The following ANKS1B variants were observed in gnomAD, a reference collection of about 807,000 sequenced individuals.
The protein encoded by ANKS1B is ankyrin repeat and sterile alpha motif domain containing 1B.
Under a neutral mutation model 148.3 loss-of-function variants are expected in ANKS1B, and 36 were observed. The ratio of observed to expected loss-of-function variants is 0.24; its 90% CI spans 0.19 to 0.32. The LOEUF is 0.32. ANKS1B is among the 10% of genes least tolerant of loss of function. The pLI is 1.00. For missense variants in ANKS1B, 1,157 were observed against 1,542.6 expected, an observed-to-expected ratio of 0.75 and a Z score of 4.19; for synonymous variants, 542 against 560.8, an observed-to-expected ratio of 0.97 and a Z score of 0.47.
chr12:98,785,502 C>A (rs2098784063), intron 22 of ANKS1B, among the ~76,000 whole-genome samples: 1 of 152,002 alleles, frequency 6.6e-6, no homozygotes, highest in African/African-American at 2.4e-5. Context: ...AAAAAAAAGG[C>A]AAAGATCAAA....
chr12:99,798,434 A>AAC (rs1555618351), intron 4 of ANKS1B, among the ~76,000 whole-genome samples: 14 of 40,626 alleles, frequency 3.4e-4, no homozygotes, highest in Admixed American at 1.3e-3. Context: ...AAAAAAAAAA[A>AAC]AAAAAAAAAC....
chr12:99,126,868 T>C (rs1308516039), intron 15 of ANKS1B, among the ~76,000 whole-genome samples: 1 of 152,122 alleles, frequency 6.6e-6, no homozygotes, highest in Non-Finnish European at 1.5e-5. Context: ...CCAAGCAAAA[T>C]GTTAACAGGG....
intron 17 of ANKS1B, among the ~76,000 whole-genome samples, chr12:98,876,978 A>G (rs911144681): frequency 3.3e-5 from 5 of 152,248 alleles, no homozygotes; most frequent in African/African-American, 1.2e-4. Flanking sequence ...ATTGTATAAT[A>G]AAGAAAAGCA....
intron 9 of ANKS1B, among the ~76,000 whole-genome samples, chr12:99,579,902 A>G (rs1340642085): frequency 6.6e-6 from 1 of 152,206 alleles, no homozygotes; most frequent in Non-Finnish European, 1.5e-5. Context: ...GTACACTCAT[A>G]TGTTCATTGC....
intron 9 of ANKS1B, among the ~76,000 whole-genome samples, chr12:99,535,349 C>T (rs1411397908): frequency 2.0e-5 from 3 of 152,190 alleles, no homozygotes; most frequent in Non-Finnish European, 4.4e-5. Flanking sequence ...TGTTGTCCCA[C>T]GTCCATGTTA....
intron 16 of ANKS1B, among the ~76,000 whole-genome samples, chr12:99,083,360 T>C (rs2050508986): frequency 6.6e-6 from 1 of 152,158 alleles, no homozygotes; most frequent in Non-Finnish European, 1.5e-5. Context: ...CCCCACAGTC[T>C]TTTTGCAAAC....
chr12:99,317,801 T>C lies in ANKS1B; in HGVS notation c.1757-70937A>G, dbSNP rs191804787. 2.8e-3 allele frequency among the ~76,000 whole-genome samples: 425 copies of C among 152,112 alleles called. 1 individual carries two copies. Among genetic ancestry groups the C allele is most frequent in the African/African-American group, 9.6e-3 (398 of 41,520 alleles). On this transcript the variant is annotated intron_variant, in intron 12 of 26. Transcript: ENST00000683438. The stretch of plus-strand genomic sequence containing the variant: ...ATTCAGTATGATATTGGCTGTGGGT[T>C]TGTCATAAATAGCTCTTATTATTTT...
At chr12:99,739,493 A>T (rs1158904317) in intron 8 of ANKS1B, among the ~76,000 whole-genome samples, 2 of 152,104 alleles carry the variant, frequency 1.3e-5, no homozygotes, top group African/African-American at 4.8e-5. Context: ...CAATCTAAGC[A>T]TCTTAAGTTT....
At chr12:98,746,179 A>AG (rs993459805) in intron 26 of ANKS1B, among the ~76,000 whole-genome samples, 2 of 152,114 alleles carry the variant, frequency 1.3e-5, no homozygotes, top group African/African-American at 2.4e-5. Context: ...CTTGGGAGCC[A>AG]GGGGGGCTTC....
intron 1 of ANKS1B, among the ~76,000 whole-genome samples, chr12:99,887,560 C>T (rs2092893793): frequency 6.6e-6 from 1 of 152,094 alleles, no homozygotes; most frequent in Non-Finnish European, 1.5e-5. Context: ...TGGAGGCAAA[C>T]ATTTAGGTTT....
At chr12:99,286,310 T>C (rs1470662829) in intron 12 of ANKS1B, among the ~76,000 whole-genome samples, 3 of 151,936 alleles carry the variant, frequency 2.0e-5, no homozygotes, top group South Asian at 2.1e-4. Flanking sequence ...AGCCAGAAGA[T>C]AACCTGCTTC....
intron 17 of ANKS1B, among the ~76,000 whole-genome samples, chr12:98,915,843 C>T (rs934743757): frequency 2.6e-5 from 4 of 152,196 alleles, no homozygotes; most frequent in East Asian, 1.9e-4. Flanking sequence ...CCATGGTGAA[C>T]GGGCAGAACC....
At chr12:99,417,832 GAAGT>G (rs1403708056) in intron 11 of ANKS1B, among the ~76,000 whole-genome samples, 2 of 151,998 alleles carry the variant, frequency 1.3e-5, no homozygotes, top group African/African-American at 4.8e-5. Flanking sequence ...AAAGCAGCAA[GAAGT>G]AAGAAACATA....
chr12:98,807,764 A>G (rs1388438296), intron 20 of ANKS1B, 80 bp downstream of exon 20: 3 of 1,227,358 alleles, frequency 2.4e-6, no homozygotes, highest in Non-Finnish European at 3.5e-6. Context: ...AGGACACAGT[A>G]CCTATAGCTG....
intron 1 of ANKS1B, among the ~76,000 whole-genome samples, chr12:99,862,483 A>T (rs1283355919): frequency 6.6e-6 from 1 of 152,218 alleles, no homozygotes; most frequent in Non-Finnish European, 1.5e-5. Context: ...AATACTTCTT[A>T]TGTTTGTCTC....
intron 20 of ANKS1B, among the ~76,000 whole-genome samples, chr12:98,806,349 CT>C (rs1428782236): frequency 1.3e-5 from 2 of 152,066 alleles, no homozygotes; most frequent in Non-Finnish European, 2.9e-5. Context: ...AAAATAGAAC[CT>C]TTAAAATCTT....
chr12:99,671,033 A>G (rs1049103067), intron 8 of ANKS1B, among the ~76,000 whole-genome samples: 1 of 152,212 alleles, frequency 6.6e-6, no homozygotes, highest in Non-Finnish European at 1.5e-5. Context: ...TATTAGATAC[A>G]AAAGGATTCA....
At chr12:99,676,078 G>A (rs2098566580) in intron 8 of ANKS1B, among the ~76,000 whole-genome samples, 1 of 152,108 alleles carries the variant, frequency 6.6e-6, no homozygotes, top group African/African-American at 2.4e-5. Flanking sequence ...GTGATAGTGA[G>A]TGAGTTCTGA....
At chr12:99,955,595 C>CTGT (rs2095310547) in intron 1 of ANKS1B, among the ~76,000 whole-genome samples, 1 of 143,576 alleles carries the variant, frequency 7.0e-6, no homozygotes, top group Non-Finnish European at 1.5e-5. Context: ...ACCTAAGGGG[C>CTGT]TGTTACCTAT....
Sources: allele counts gnomAD v4.1 joint callset (sites outside exome capture counted in the v4.1 genomes callset), GRCh38; gene constraint gnomAD v4.1.1; transcripts MANE v1.5; gene names NCBI Gene and HGNC (gene_info 2026-07-23, HGNC 2026-07-21).